EDN1: variants seen among roughly 807,000 people sequenced by gnomAD.
The protein encoded by EDN1 is endothelin-1.
Under a neutral mutation model 21.7 loss-of-function variants are expected in EDN1, and 11 were observed. The ratio of observed to expected loss-of-function variants is 0.51; its 90% CI spans 0.32 to 0.84. EDN1 has a LOEUF of 0.84. EDN1 is among the 40% of genes least tolerant of loss of function. The probability of loss-of-function intolerance (pLI) is 0.03; values close to 1 mark genes in which losing one functional copy is unlikely to be tolerated. For synonymous variants in EDN1, 85 were observed against 90.6 expected, an observed-to-expected ratio of 0.94 and a Z score of 0.35; for missense variants, 244 against 262.3, an observed-to-expected ratio of 0.93 and a Z score of 0.48.
chr6:12,272,326 G>C, the EDN1 span, among the ~76,000 whole-genome samples: 3 of 152,106 alleles, frequency 2.0e-5, no homozygotes, highest in Non-Finnish European at 4.4e-5. Flanking sequence ...GCTGGAATTT[G>C]AGCTTTGGTT....
the EDN1 span, among the ~76,000 whole-genome samples, chr6:12,270,031 T>C: frequency 6.6e-6 from 1 of 152,078 alleles, no homozygotes; most frequent in African/African-American, 2.4e-5. Flanking sequence ...AATTCAATTT[T>C]GGTAGCATAT....
the EDN1 span, among the ~76,000 whole-genome samples, chr6:12,273,604 C>CTTTTTTTTTTTTTTTTTTT: frequency 3.6e-5 from 3 of 83,380 alleles, 1 homozygote; most frequent in African/African-American, 1.0e-4. Context: ...GTAGGCAGGA[C>CTTTTTTTTTTTTTTTTTTT]TTTTTTTTTT....
chr6:12,293,549 T>C (rs985688034), intron 2 of EDN1, among the ~76,000 whole-genome samples: 1 of 152,236 alleles, frequency 6.6e-6, no homozygotes, highest in African/African-American at 2.4e-5. Context: ...TGGTTTTGCA[T>C]TGAAACCTCT....
the EDN1 span, among the ~76,000 whole-genome samples, chr6:12,238,585 T>A: frequency 6.6e-6 from 1 of 152,182 alleles, no homozygotes; most frequent in Non-Finnish European, 1.5e-5. Flanking sequence ...ATCCAACCCT[T>A]AGACTGCCAG....
chr6:12,255,153 A>G, the EDN1 span, among the ~76,000 whole-genome samples: 1 of 152,200 alleles, frequency 6.6e-6, no homozygotes, highest in South Asian at 2.1e-4. Flanking sequence ...ATAAATAACA[A>G]ACACAAAACT....
At chr6:12,261,191 A>G in the EDN1 span, among the ~76,000 whole-genome samples, 1 of 152,188 alleles carries the variant, frequency 6.6e-6, no homozygotes, top group Non-Finnish European at 1.5e-5. Flanking sequence ...TCATTGGTAG[A>G]GCACTTTTGA....
At chr6:12,279,361 C>G in the EDN1 span, among the ~76,000 whole-genome samples, 1 of 152,130 alleles carries the variant, frequency 6.6e-6, no homozygotes, top group Non-Finnish European at 1.5e-5. Context: ...TTTACCCACT[C>G]CTAAGGCTAA....
At position 12,297,149 on chromosome 6, in the gene EDN1, G is replaced by C. The variant is rs1762845508; in HGVS notation, c.*1082G>C. Reference sequence around the variant, plus strand: ...ATTGAGAACATGCTTTGTTTTGCCTGTCAAGGTAATGACTTTAGAAAATAA... The same window carrying C: ...ATTGAGAACATGCTTTGTTTTGCCTCTCAAGGTAATGACTTTAGAAAATAA... On this transcript the variant is annotated 3_prime_UTR_variant, in exon 5 of 5. Transcript: ENST00000379375. The C allele has an allele frequency of 6.6e-6, 1 of 152,126 alleles. No homozygotes were observed. Among genetic ancestry groups the C allele is most frequent in the African/African-American group, 2.4e-5 (1 of 41,406 alleles). The allele number at this position is 152,126 out of a possible 1,614,324, so 9.4% of individuals were successfully genotyped here. A position where few individuals can be genotyped will look rare whatever the true frequency, so the allele number is the denominator to read the frequency against.
chr6:12,267,158 A>G, the EDN1 span, among the ~76,000 whole-genome samples: 1 of 152,278 alleles, frequency 6.6e-6, no homozygotes, highest in African/African-American at 2.4e-5. Context: ...TGCATTGAGC[A>G]AGTCTATTGG....
At chr6:12,258,155 C>A in the EDN1 span, among the ~76,000 whole-genome samples, 1 of 151,908 alleles carries the variant, frequency 6.6e-6, no homozygotes, top group Non-Finnish European at 1.5e-5. Context: ...AGACCTTATT[C>A]TTTTATTTGA....
chr6:12,233,197 C>G, the EDN1 span, among the ~76,000 whole-genome samples: 1 of 152,228 alleles, frequency 6.6e-6, no homozygotes. Flanking sequence ...TGTCTCCAAG[C>G]CTAGCCCTTC....
chr6:12,272,529 T>G, the EDN1 span, among the ~76,000 whole-genome samples: 1 of 149,144 alleles, frequency 6.7e-6, no homozygotes, highest in South Asian at 2.1e-4. Context: ...GTGATCTTGG[T>G]TCACTGCAAC....
At chr6:12,260,417 C>A in the EDN1 span, among the ~76,000 whole-genome samples, 2 of 152,194 alleles carry the variant, frequency 1.3e-5, no homozygotes, top group African/African-American at 4.8e-5. Context: ...AAAGCAAGCA[C>A]TTAACTTTGT....
chr6:12,265,815 A>T, the EDN1 span, among the ~76,000 whole-genome samples: 1 of 152,186 alleles, frequency 6.6e-6, no homozygotes, highest in South Asian at 2.1e-4. Flanking sequence ...ATTTAGGGAG[A>T]GAGGAGAAAA....
the EDN1 span, among the ~76,000 whole-genome samples, chr6:12,256,790 T>C: frequency 1.3e-5 from 2 of 152,350 alleles, no homozygotes; most frequent in African/African-American, 4.8e-5. Flanking sequence ...CTTTGTAGAA[T>C]TGTTTGCATA....
intron 4 of EDN1, 137 bp downstream of exon 4, chr6:12,294,541 C>A: frequency 1.1e-6 from 1 of 936,528 alleles, no homozygotes; most frequent in Non-Finnish European, 1.7e-6. Flanking sequence ...CAGAGGAGAT[C>A]TATGCATCCT....
chr6:12,265,746 T>G, the EDN1 span, among the ~76,000 whole-genome samples: 11 of 152,258 alleles, frequency 7.2e-5, no homozygotes, highest in African/African-American at 2.7e-4. Context: ...GATGTCTTAG[T>G]TATATGTGTT....
the EDN1 span, among the ~76,000 whole-genome samples, chr6:12,262,594 G>A: frequency 1.3e-5 from 2 of 152,260 alleles, no homozygotes; most frequent in African/African-American, 4.8e-5. Flanking sequence ...TTTCAAGGCC[G>A]GGTACGGCAG....
At chr6:12,272,452 CTTTTTTTTT>C in the EDN1 span, among the ~76,000 whole-genome samples, 1 of 106,812 alleles carries the variant, frequency 9.4e-6, no homozygotes, top group East Asian at 2.4e-4. Flanking sequence ...GAGTCATACT[CTTTTTTTTT>C]TTTTTTTTTT....
Sources: allele counts gnomAD v4.1 joint callset (sites outside exome capture counted in the v4.1 genomes callset), GRCh38; gene constraint gnomAD v4.1.1; transcripts MANE v1.5; gene names NCBI Gene and HGNC (gene_info 2026-07-23, HGNC 2026-07-21).